Variants in ARAP2 observed in about 807,000 individuals in gnomAD.
ARAP2 encodes the protein arf-GAP with Rho-GAP domain, ANK repeat and PH domain-containing protein 2.
Under a neutral mutation model 194.5 loss-of-function variants are expected in ARAP2, and 148 were observed. The ratio of observed to expected loss-of-function variants is 0.76; its 90% CI spans 0.67 to 0.87. The LOEUF (loss-of-function observed/expected upper bound fraction) is 0.87. ARAP2 is among the 40% of genes least tolerant of loss of function. ARAP2 has a pLI of 0.00. For missense variants in ARAP2, 2,128 were observed against 1,989.7 expected (o/e 1.07, Z -1.32); for synonymous variants, 695 against 683.5 (o/e 1.02, Z -0.26).
At chr4:36,092,344 T>A (rs1452304827) in intron 27 of ARAP2, among the ~76,000 whole-genome samples, 1 of 152,160 alleles carries the variant, frequency 6.6e-6, no homozygotes, top group Admixed American at 6.6e-5. Flanking sequence ...GCGCAGTGGC[T>A]CACACCTGTA....
At position 36,156,504 on chromosome 4, in the gene ARAP2, A is replaced by G. The variant is rs6841082; in HGVS notation, c.2752+2226T>C. Among the ~76,000 whole-genome samples, 19 of 82,132 alleles carry G rather than the reference A, an allele frequency of 2.3e-4. 1 individual carries two copies. Among genetic ancestry groups the G allele is most frequent in the Admixed American group, 5.0e-4 (4 of 8,060 alleles). 53.9% of individuals were successfully genotyped at this position (82,132 alleles called of 152,430 possible). On this transcript the variant is annotated intron_variant, in intron 15 of 32. Coordinates refer to ENST00000303965, the MANE Select transcript of ARAP2 (RefSeq NM_015230.4). ...GAAAGAAAGAAAAAGGAAGGAAGGA[A>G]GGAGGGAGGAAGGAAGGAAGGAAGG...
At chr4:36,092,532 C>T (rs868786216) in intron 27 of ARAP2, among the ~76,000 whole-genome samples, 57 of 152,146 alleles carry the variant, frequency 3.7e-4, no homozygotes, top group Admixed American at 8.5e-4. Flanking sequence ...ATAGCTTGAA[C>T]CCAGGAGGCA....
rs1168775559 is a variant in ARAP2, at chr4:36,177,858, C to T, written c.1826G>A (p.Gly609Glu). Reference protein sequence around the residue: ...YKAKIFTVLSGNSVWLCKNEQ... With the variant: ...YKAKIFTVLSENSVWLCKNEQ... ...GTTTTTGCAAAGCCACACACTGTTT[C>T]CACTTAACACAGTAAAAATTTTTGC... The change falls in exon 9 of 33, where the codon GGA (glycine) becomes GAA (glutamate). Residue 609 changes from glycine (G) to glutamate (E), a missense_variant. Coordinates refer to ENST00000303965, the MANE Select transcript of ARAP2 (RefSeq NM_015230.4). 3 of 1,611,630 alleles carry T rather than the reference C, an allele frequency of 1.9e-6. No individual in the cohort carries two copies. The highest frequency in any genetic ancestry group is 2.5e-6 in the Non-Finnish European group (3 of 1,179,024).
chr4:36,064,993 G>A, downstream of ARAP2: 1 of 163,378 alleles, frequency 6.1e-6, no homozygotes, highest in Non-Finnish European at 1.3e-5. Context: ...CTGTGAGAAG[G>A]CAGTGAGCTG....
At chr4:36,018,416 C>T (rs1199180234) in intron 6 of ARAP2, among the ~76,000 whole-genome samples, 1 of 145,170 alleles carries the variant, frequency 6.9e-6, no homozygotes, top group Non-Finnish European at 1.5e-5. Flanking sequence ...CCATACTTCA[C>T]AGAATATGAG....
At chr4:36,161,656 T>C in intron 11 of ARAP2, 106 bp from the exon 12 acceptor site, 1 of 853,916 alleles carries the variant, frequency 1.2e-6, no homozygotes. Context: ...TTGCGTATCT[T>C]CTCAACTTAA....
chr4:36,075,961 A>G (rs1340647680), intron 31 of ARAP2, among the ~76,000 whole-genome samples: 1 of 152,132 alleles, frequency 6.6e-6, no homozygotes, highest in African/African-American at 2.4e-5. Flanking sequence ...CTCTGCCCTT[A>G]CACTTCAAAA....
chr4:36,113,896 A>C (rs1445520512), intron 26 of ARAP2, among the ~76,000 whole-genome samples: 1 of 152,030 alleles, frequency 6.6e-6, no homozygotes, highest in African/African-American at 2.4e-5. Flanking sequence ...GCCAAATCAA[A>C]TCGCTTGTCC....
chr4:36,175,857 G>A lies in ARAP2; in HGVS notation c.1857+1970C>T, dbSNP rs143938671. Among the ~76,000 whole-genome samples, 452 of 152,144 alleles carry A rather than the reference G, an allele frequency of 3.0e-3. 1 individual carries two copies. Among genetic ancestry groups the A allele is most frequent in the Non-Finnish European group, 5.0e-3 (342 of 68,002 alleles). ...TTTTTTGCACCTCTCTGTAACTCCT[G>A]TACAACCTATTATTGCACTGACCTC... is the stretch of plus-strand genomic sequence containing the variant. On this transcript the variant is annotated intron_variant, in intron 9 of 32. Coordinates refer to ENST00000303965, the MANE Select transcript of ARAP2 (RefSeq NM_015230.4).
At chr4:36,057,086 A>G (rs745963473) in intron 2 of ARAP2, among the ~76,000 whole-genome samples, 17 of 150,810 alleles carry the variant, frequency 1.1e-4, no homozygotes, top group Admixed American at 2.0e-4. Context: ...GACTGAGGAA[A>G]TCTCTTTTTC....
chr4:36,230,699 GAC>G (rs1212107570), intron 1 of ARAP2, among the ~76,000 whole-genome samples: 4 of 152,154 alleles, frequency 2.6e-5, no homozygotes, highest in African/African-American at 9.7e-5. Flanking sequence ...GAGCAGGCAT[GAC>G]ACACATACAC....
At chr4:36,178,996 C>T (rs1738606905) in intron 8 of ARAP2, among the ~76,000 whole-genome samples, 1 of 152,082 alleles carries the variant, frequency 6.6e-6, no homozygotes, top group African/African-American at 2.4e-5. Flanking sequence ...AACCAACATC[C>T]ATTCAGGGAT....
At chr4:36,080,418 A>T in intron 30 of ARAP2, 139 bp from the exon 31 acceptor site, 2 of 652,734 alleles carry the variant, frequency 3.1e-6, no homozygotes, top group Non-Finnish European at 5.4e-6. Flanking sequence ...AAAGTGGAAC[A>T]TTTCAGTACA....
At chr4:36,104,403 C>T (rs1717828783) in intron 27 of ARAP2, among the ~76,000 whole-genome samples, 1 of 151,780 alleles carries the variant, frequency 6.6e-6, no homozygotes, top group Admixed American at 6.6e-5. Context: ...TTTTAGATCC[C>T]AATTTTAAGG....
At chr4:36,063,927 T>A (rs1213697507), downstream of ARAP2, among the ~76,000 whole-genome samples, 1 of 152,252 alleles carries the variant, frequency 6.6e-6, no homozygotes, top group Non-Finnish European at 1.5e-5. Context: ...TTCAAATACA[T>A]TTAATGCATT....
intron 32 of ARAP2, among the ~76,000 whole-genome samples, chr4:36,069,879 TCTC>T (rs1188509234): frequency 2.0e-5 from 3 of 152,104 alleles, no homozygotes; most frequent in Non-Finnish European, 2.9e-5. Context: ...TCTGTGCTGT[TCTC>T]CTGAGTGAGT....
chr4:36,221,097 A>C (rs1749073547), intron 2 of ARAP2, among the ~76,000 whole-genome samples: 1 of 152,122 alleles, frequency 6.6e-6, no homozygotes, highest in African/African-American at 2.4e-5. Context: ...AAATTCACAA[A>C]TATCTACTAT....
In ARAP2 at chr4:36,213,312, A is replaced by T. The variant is rs758697662; in HGVS notation, c.972T>A (p.Asn324Lys). Residue 324 changes from asparagine to lysine, a missense_variant, in exon 4 of 33, where the codon AAT becomes AAA. Physicochemically the swap from Asn to Lys is moderately conservative, Grantham distance 94 (BLOSUM62 0). Coordinates refer to ENST00000303965, the MANE Select transcript of ARAP2 (RefSeq NM_015230.4). ...GAAAGATGGAAGATGAATTCTCCTC[A>T]TTTGAATCTTTTAGGGGAATTACAG... is the stretch of plus-strand genomic sequence containing the variant. ...TEKSVAWQNS[N>K]EENSSSIFPY... 2.5e-6 allele frequency: 4 copies of T among 1,603,552 alleles called. No individual in the cohort carries two copies. The highest frequency in any genetic ancestry group is 1.3e-5 in the African/African-American group (1 of 74,664).
intron 9 of ARAP2, among the ~76,000 whole-genome samples, chr4:36,010,471 T>A (rs1442523627): frequency 6.6e-6 from 1 of 152,060 alleles, no homozygotes; most frequent in African/African-American, 2.4e-5. Flanking sequence ...TTTATGGATG[T>A]GTCAAGTGCC....
Sources: allele counts gnomAD v4.1 joint callset (sites outside exome capture counted in the v4.1 genomes callset), GRCh38; gene constraint gnomAD v4.1.1; transcripts MANE v1.5; gene names NCBI Gene and HGNC (gene_info 2026-07-23, HGNC 2026-07-21).